The following EVC variants were observed in gnomAD, a reference collection of about 807,000 sequenced individuals.
The protein encoded by EVC is evC complex member EVC.
Under a neutral mutation model 118.9 loss-of-function variants are expected in EVC, and 116 were observed. The ratio of observed to expected loss-of-function variants is 0.98; its 90% CI spans 0.84 to 1.14. The LOEUF (loss-of-function observed/expected upper bound fraction) is 1.14, where lower values mean the gene tolerates loss of function less well. EVC is among the 50% of genes most tolerant of loss of function. The pLI, the probability that EVC is intolerant of heterozygous loss-of-function variation, is 0.00. For synonymous variants in EVC, 619 were observed against 534.7 expected (o/e 1.16, Z -2.18); for missense variants, 1,401 against 1,246.4 (o/e 1.12, Z -1.87).
At chr4:5,711,676 C>G in intron 1 of EVC, 122 bp downstream of exon 1, 4 of 835,140 alleles carry the variant, frequency 4.8e-6, no homozygotes, top group Non-Finnish European at 5.9e-6. Context: ...TCGCACGCAA[C>G]CGCTTAGGCG....
intron 17 of EVC, among the ~76,000 whole-genome samples, chr4:5,805,764 G>A (rs1376723273): frequency 2.0e-5 from 3 of 152,212 alleles, no homozygotes; most frequent in Non-Finnish European, 4.4e-5. Context: ...CTTTATGGAA[G>A]AGGAAAAGGA....
intron 3 of EVC, 54 bp downstream of exon 3, chr4:5,729,444 A>C (rs964089562): frequency 1.3e-6 from 2 of 1,525,190 alleles, no homozygotes; most frequent in Non-Finnish European, 1.8e-6. Context: ...CATGTGCCAG[A>C]GATTGGGAGG....
intron 11 of EVC, among the ~76,000 whole-genome samples, chr4:5,767,890 C>CCGGAG (rs1733201351): frequency 1.3e-5 from 2 of 152,204 alleles, no homozygotes; most frequent in African/African-American, 4.8e-5. Context: ...GAGCTGTAGA[C>CCGGAG]CGGAGCTGTT....
intron 12 of EVC, among the ~76,000 whole-genome samples, chr4:5,791,314 A>G (rs1712744011): frequency 1.3e-5 from 2 of 152,322 alleles, no homozygotes; most frequent in South Asian, 4.1e-4. Flanking sequence ...AGTAGAAGGT[A>G]TCTAATTCTG....
At chr4:5,751,841 G>A (rs1170874436) in intron 8 of EVC, among the ~76,000 whole-genome samples, 2 of 152,186 alleles carry the variant, frequency 1.3e-5, no homozygotes, top group Admixed American at 1.3e-4. Flanking sequence ...CAGTGAGGGT[G>A]TTCCAGGAGG....
intron 17 of EVC, among the ~76,000 whole-genome samples, chr4:5,805,090 C>G (rs571041432): frequency 6.6e-6 from 1 of 152,256 alleles, no homozygotes; most frequent in Non-Finnish European, 1.5e-5. Flanking sequence ...AAGTGGCATT[C>G]ACAGCCCGGA....
At chr4:5,734,670 C>T (rs146650619) in intron 5 of EVC, among the ~76,000 whole-genome samples, 1 of 152,258 alleles carries the variant, frequency 6.6e-6, no homozygotes, top group East Asian at 1.9e-4. Flanking sequence ...AAACAAAAAA[C>T]AAGAATAGCA....
intron 11 of EVC, among the ~76,000 whole-genome samples, chr4:5,760,421 G>A (rs542110036): frequency 2.6e-4 from 39 of 152,228 alleles, no homozygotes; most frequent in Admixed American, 9.8e-4. Context: ...GGTGACAGGT[G>A]TGACGAGGGG....
intron 1 of EVC, among the ~76,000 whole-genome samples, chr4:5,715,567 ATT>A (rs1367454161): frequency 1.3e-5 from 2 of 152,124 alleles, no homozygotes; most frequent in African/African-American, 4.8e-5. Context: ...AGGTAATTTC[ATT>A]GCATGCCTGG....
At chr4:5,783,893 T>A in intron 12 of EVC, 129 bp downstream of exon 12, 1 of 868,960 alleles carries the variant, frequency 1.2e-6, no homozygotes, top group South Asian at 1.5e-5. Flanking sequence ...GACTGTTGCC[T>A]CCCTTTCACA....
At chr4:5,810,807 T>C (rs1716788606) in intron 20 of EVC, 146 bp from the exon 21 acceptor site, 3 of 782,154 alleles carry the variant, frequency 3.8e-6, no homozygotes, top group South Asian at 1.5e-5. Context: ...ACGGGTTTTA[T>C]TGGTTTCTTA....
At chr4:5,783,903 A>G in intron 12 of EVC, 139 bp downstream of exon 12, 14 of 786,708 alleles carry the variant, frequency 1.8e-5, no homozygotes, top group East Asian at 2.7e-5. Flanking sequence ...TCCCTTTCAC[A>G]ATGGCCCACC....
intron 3 of EVC, among the ~76,000 whole-genome samples, chr4:5,729,771 G>C (rs1726488457): frequency 6.6e-6 from 1 of 152,218 alleles, no homozygotes; most frequent in Non-Finnish European, 1.5e-5. Flanking sequence ...GGCCAGTGTT[G>C]TGTTAAGTAT....
intron 11 of EVC, among the ~76,000 whole-genome samples, chr4:5,766,691 C>G (rs200936003): frequency 7.9e-6 from 1 of 126,882 alleles, no homozygotes; most frequent in Non-Finnish European, 1.7e-5. Flanking sequence ...TCCAGTTGAT[C>G]GCATCGGCTC....
In EVC at chr4:5,757,504, G is replaced by A. The variant is rs915875064; in HGVS notation, c.1563+1142G>A. 3.9e-5 allele frequency among the ~76,000 whole-genome samples: 6 copies of A among 152,248 alleles called. No homozygotes were observed. In the South Asian group the frequency reaches 6.2e-4, roughly 16 times the overall value. On this transcript the variant is annotated intron_variant, in intron 11 of 20. Transcript: ENST00000264956. ...CTGGTGGGTTAAACAACAGAAAAGC[G>A]TTCTCTCAAGGTTCTGGAGGCTGAA...
chr4:5,730,783 A>G (rs1726677481), intron 3 of EVC, among the ~76,000 whole-genome samples: 1 of 152,122 alleles, frequency 6.6e-6, no homozygotes, highest in Non-Finnish European at 1.5e-5. Context: ...AAAGGCCAGA[A>G]TTATGAAGTC....
intron 3 of EVC, 79 bp downstream of exon 3, chr4:5,729,469 A>G (rs1726433835): frequency 7.4e-7 from 1 of 1,349,782 alleles, no homozygotes; most frequent in African/African-American, 1.4e-5. Flanking sequence ...TGGGGGGATT[A>G]ACTGTGTGAT....
At chr4:5,828,988 A>G in the EVC span, among the ~76,000 whole-genome samples, 1 of 152,136 alleles carries the variant, frequency 6.6e-6, no homozygotes, top group Non-Finnish European at 1.5e-5. Flanking sequence ...AAAAATAAGT[A>G]AAATGTTCTT....
At chr4:5,767,679 AC>A (rs756098981) in intron 11 of EVC, among the ~76,000 whole-genome samples, 28 of 151,864 alleles carry the variant, frequency 1.8e-4, no homozygotes, top group Admixed American at 4.6e-4. Context: ...GCCATCTGTC[AC>A]CCCTTTCTTT....
Sources: allele counts gnomAD v4.1 joint callset (sites outside exome capture counted in the v4.1 genomes callset), GRCh38; gene constraint gnomAD v4.1.1; transcripts MANE v1.5; gene names NCBI Gene and HGNC (gene_info 2026-07-23, HGNC 2026-07-21).